TTYH1: variants seen among roughly 807,000 people sequenced by gnomAD.
The protein encoded by TTYH1 is tweety family member 1, also known as protein tweety homolog 1.
In TTYH1, 33 loss-of-function variants were observed where a neutral mutation model predicts 61.2. The observed-to-expected ratio is 0.54, with a 90% CI of 0.41 to 0.72. The LOEUF is 0.72. Among genes scored for constraint, TTYH1 ranks in the 30% least tolerant of loss-of-function variants. TTYH1 has a pLI of 0.00. For synonymous variants in TTYH1, 308 were observed against 266.4 expected (o/e 1.16, Z -1.52); for missense variants, 538 against 575.8 (o/e 0.93, Z 0.67).
Position 54,421,001 on chromosome 19 carries a change from C to T in TTYH1, c.306-276C>T, listed in dbSNP as rs967643813. ...ACTGGGGTTCTGCTCCAGGGAGGTG[C>T]GAGTTAAATCGGGGGCTCCCTCCCC... On this transcript the variant is annotated intron_variant, in intron 2 of 13. Transcript: ENST00000376530. The surrounding 1 kb of genome is among the most constrained non-coding windows in gnomAD (Gnocchi z 4.8). Among the ~76,000 whole-genome samples, 1 of 152,042 alleles carries T rather than the reference C, an allele frequency of 6.6e-6. No homozygotes were observed. Among genetic ancestry groups the T allele is most frequent in the African/African-American group, 2.4e-5 (1 of 41,386 alleles).
At position 54,419,618 on chromosome 19, in the gene TTYH1, G is replaced by A; in HGVS notation, c.305+312G>A. The A allele has an allele frequency of 1.6e-6, 1 of 625,770 alleles. No homozygotes were observed. The highest frequency in any genetic ancestry group is 1.5e-5 in the South Asian group (1 of 66,042). The allele number at this position is 625,770 out of a possible 1,614,324, so 38.8% of individuals were successfully genotyped here. A position where few individuals can be genotyped will look rare whatever the true frequency, so the allele number is the denominator to read the frequency against. On this transcript the variant is annotated intron_variant, in intron 2 of 13. Coordinates refer to ENST00000376530, the MANE Select transcript of TTYH1 (RefSeq NM_020659.4). The surrounding 1 kb of genome is among the most constrained non-coding windows in gnomAD (Gnocchi z 6.1). ...TTGAATAGCTGTGTGACCTAAGGGA[G>A]TGATAGTCTCCCTGGGCCTCAATTT...
Position 54,421,381 on chromosome 19 carries a change from A to ACCAC in TTYH1, c.412_415dup (p.Leu139ProfsTer67). ...GCCAACCACACACTCAGCACCATTG[A>ACCAC]CCACCTGGTGAGGGGCCAGCAACCA... On this transcript the variant is annotated frameshift_variant, in exon 3 of 14. Coordinates refer to ENST00000376530, the MANE Select transcript of TTYH1 (RefSeq NM_020659.4). LOFTEE classifies it high-confidence loss of function. This position sits in a 1 kb window ranked among gnomAD's most constrained non-coding sequence, Gnocchi z 4.8. 1 of 1,611,644 alleles carries ACCAC rather than the reference A, an allele frequency of 6.2e-7. No homozygotes were observed. The highest frequency in any genetic ancestry group is 8.5e-7 in the Non-Finnish European group (1 of 1,177,962).
In TTYH1 at chr19:54,421,532, C is replaced by A. The variant is rs1221003824; in HGVS notation, c.417+144C>A. 1 of 660,586 alleles carries A rather than the reference C, an allele frequency of 1.5e-6. No individual in the cohort carries two copies. The highest frequency in any genetic ancestry group is 1.8e-5 in the African/African-American group (1 of 56,340). 40.9% of individuals were successfully genotyped at this position (660,586 alleles called of 1,614,324 possible). The stretch of plus-strand genomic sequence containing the variant: ...ATTCAGAACTTCATCCTGAGACCCA[C>A]AGACCTCAGACTATCCACCCAACCC... On this transcript the variant is annotated intron_variant, in intron 3 of 13. Transcript: ENST00000376530. The surrounding 1 kb of genome is among the most constrained non-coding windows in gnomAD (Gnocchi z 4.8).
chr19:54,431,015 T>C, intron 9 of TTYH1, 84 bp from the exon 10 acceptor site: 2 of 1,487,288 alleles, frequency 1.3e-6, no homozygotes, highest in Non-Finnish European at 9.2e-7. Context: ...GGGCCTTGGG[T>C]TGTGGGCGGG....
Position 54,419,157 on chromosome 19 carries a change from C to G in TTYH1, c.156C>G (p.Gly52=). ...TGTTGCTGGTGGCGGCCTTGGCGGG[C>G]CTGGGCTTGGGCCTGAGCCTCATTT... ...QALLLVAALA[G]LGLGLSLIFI... The change falls in exon 2 of 14, where the codon GGC becomes GGG. Residue 52 remains glycine (G), a synonymous_variant. Transcript: ENST00000376530. This position sits in a 1 kb window ranked among gnomAD's most constrained non-coding sequence, Gnocchi z 6.1. The G allele has an allele frequency of 6.2e-7, 1 of 1,613,064 alleles. No homozygotes were observed. Among genetic ancestry groups the G allele is most frequent in the South Asian group, 1.1e-5 (1 of 91,054 alleles).
In TTYH1 at chr19:54,419,188, G is replaced by A. The variant is rs770940945; in HGVS notation, c.187G>A (p.Ala63Thr). 14 of 1,612,746 alleles carry A rather than the reference G, an allele frequency of 8.7e-6. No individual in the cohort carries two copies. The highest frequency in any genetic ancestry group is 4.4e-5 in the South Asian group (4 of 91,090). ...LGLGLSLIFI[A>T]VYLIRFCCCR... Reference sequence around the variant, plus strand: ...CTTGGGCCTGAGCCTCATTTTCATCGCTGTCTACCTCATCCGCTTCTGCTG... The same window carrying A: ...CTTGGGCCTGAGCCTCATTTTCATCACTGTCTACCTCATCCGCTTCTGCTG... Residue 63 changes from alanine to threonine, a missense_variant, in exon 2 of 14, where the codon GCT (alanine) becomes ACT (threonine). Transcript: ENST00000376530. This position sits in a 1 kb window ranked among gnomAD's most constrained non-coding sequence, Gnocchi z 6.1.
chr19:54,431,404 T>C, intron 10 of TTYH1: 1 of 545,996 alleles, frequency 1.8e-6, no homozygotes, highest in South Asian at 2.3e-5. Flanking sequence ...ATTCCTTCCC[T>C]CCTCCCTCCC....
rs143460187 is a variant in TTYH1 at position 54,425,583 on chromosome 19, C to T, written c.639-1090C>T. Among the ~76,000 whole-genome samples the T allele has an allele frequency of 4.3e-4, 65 of 152,332 alleles. No individual in the cohort carries two copies. The East Asian group carries it at 0.012, about 27-fold the overall frequency. On this transcript the variant is annotated intron_variant, in intron 4 of 13. Coordinates refer to ENST00000376530, the MANE Select transcript of TTYH1 (RefSeq NM_020659.4). The stretch of plus-strand genomic sequence containing the variant: ...CGTGTTTAAAGGTGGATGCGGTCAC[C>T]TTCCCAGCTAGGCTTAGGGATTATT...
At chr19:54,426,828 C>G in intron 5 of TTYH1, 60 bp downstream of exon 5, 1 of 1,456,974 alleles carries the variant, frequency 6.9e-7, no homozygotes, top group Non-Finnish European at 9.6e-7. Context: ...CAGGCAGGAC[C>G]TCAGTCTTAC....
chr19:54,417,122 A>G (rs2122846321), intron 1 of TTYH1, among the ~76,000 whole-genome samples: 1 of 152,202 alleles, frequency 6.6e-6, no homozygotes, highest in Non-Finnish European at 1.5e-5. Context: ...CCACACGCAC[A>G]CACTCACTGG....
chr19:54,427,679 G>A (rs2083355674), intron 5 of TTYH1, among the ~76,000 whole-genome samples: 2 of 151,900 alleles, frequency 1.3e-5, no homozygotes, highest in African/African-American at 4.8e-5. Context: ...GAGTCCTTCA[G>A]TTGCCTCCAC....
chr19:54,427,307 A>C (rs2083341789), intron 5 of TTYH1, among the ~76,000 whole-genome samples: 7 of 124,236 alleles, frequency 5.6e-5, no homozygotes, highest in South Asian at 2.6e-4. Context: ...TCAAAAAAAA[A>C]AAAAAAAAAA....
chr19:54,427,781 T>C (rs62133798), intron 5 of TTYH1, among the ~76,000 whole-genome samples: 94 of 152,272 alleles, frequency 6.2e-4, no homozygotes, highest in Non-Finnish European at 1.2e-3. Flanking sequence ...TGAGCCGTCC[T>C]TAAGTGTCGT....
intron 12 of TTYH1, 33 bp downstream of exon 12, chr19:54,435,906 C>T (rs367587732): frequency 1.2e-5 from 20 of 1,610,358 alleles, no homozygotes; most frequent in African/African-American, 1.1e-4. Flanking sequence ...GGAGGAGGGG[C>T]GGGGGGTCCT....
chr19:54,431,029 G>GCAGGGCGGGGCCAGGGCGGGGC (rs568548719), intron 9 of TTYH1, 70 bp from the exon 10 acceptor site: 1 of 1,483,154 alleles, frequency 6.7e-7, no homozygotes, highest in African/African-American at 1.4e-5. Flanking sequence ...GGGCGGGGAC[G>GCAGGGCGGGGCCAGGGCGGGGC]CAGGGCGGGG....
In TTYH1 at chr19:54,419,364, G is replaced by A; in HGVS notation, c.305+58G>A. ...GACAGGGCTCCCCAAGCTCTTTGCT[G>A]GCCTTCCTGGGGGTGTCCTCCGGGG... On this transcript the variant is annotated intron_variant, in intron 2 of 13. Transcript: ENST00000376530. This position sits in a 1 kb window ranked among gnomAD's most constrained non-coding sequence, Gnocchi z 6.1. 1 of 1,525,954 alleles carries A rather than the reference G, an allele frequency of 6.6e-7. No homozygotes were observed. The highest frequency in any genetic ancestry group is 8.8e-7 in the Non-Finnish European group (1 of 1,130,600). The allele number at this position is 1,525,954 out of a possible 1,614,324, so 94.5% of individuals were successfully genotyped here.
intron 3 of TTYH1, 86 bp from the exon 4 acceptor site, chr19:54,422,104 C>T (rs1030495311): frequency 2.7e-6 from 3 of 1,091,358 alleles, no homozygotes; most frequent in Non-Finnish European, 2.6e-6. Context: ...ACTATGCACC[C>T]CTCCTTCACT....
Position 54,429,515 on chromosome 19 carries a change from G to T in TTYH1, c.807+136G>T, listed in dbSNP as rs1313844325. 5.0e-6 allele frequency: 4 copies of T among 800,860 alleles called. No individual in the cohort carries two copies. Among genetic ancestry groups the T allele is most frequent in the South Asian group, 1.6e-5 (1 of 63,910 alleles). 49.6% of individuals were successfully genotyped at this position (800,860 alleles called of 1,614,324 possible). A position where few individuals can be genotyped will look rare whatever the true frequency, so the allele number is the denominator to read the frequency against. On this transcript the variant is annotated intron_variant, in intron 6 of 13. Transcript: ENST00000376530. The surrounding 1 kb of genome is among the most constrained non-coding windows in gnomAD (Gnocchi z 5.1). Reference sequence around the variant, plus strand: ...ATCACAGCTCTGAGGTTTAGGGCTTGTTTCCTGGGGCCTGAGTGGGTACAG... The same window carrying T: ...ATCACAGCTCTGAGGTTTAGGGCTTTTTTCCTGGGGCCTGAGTGGGTACAG...
chr19:54,417,617 C>G (rs893076046), intron 1 of TTYH1, among the ~76,000 whole-genome samples: 42 of 111,480 alleles, frequency 3.8e-4, no homozygotes, highest in African/African-American at 1.5e-3. Flanking sequence ...TATACAAGCA[C>G]ACACTGCACT....
Sources: gnomAD v4.1 joint callset for allele counts (sites outside exome capture counted in the v4.1 genomes callset) on GRCh38, gnomAD v4.1.1 for gene constraint, Gnocchi (gnomAD v3.1) non-coding constraint, MANE v1.5 for transcripts, NCBI Gene and HGNC (gene_info 2026-07-23, HGNC 2026-07-21) for gene names.